The following HERC1 variants were observed in gnomAD, a reference collection of about 807,000 sequenced individuals.
HERC1 encodes HECT and RLD domain containing E3 ubiquitin protein ligase family member 1.
A neutral mutation model predicts 554.3 loss-of-function variants in HERC1; 160 were observed. The observed-to-expected ratio is 0.29, with a 90% confidence interval of 0.25 to 0.33. The LOEUF (loss-of-function observed/expected upper bound fraction) is 0.33, where lower values mean the gene tolerates loss of function less well. Ranked by LOEUF, HERC1 falls within the 10% of genes least tolerant of loss-of-function variation. The pLI, the probability that HERC1 is intolerant of heterozygous loss-of-function variation, is 1.00. For synonymous variants in HERC1, 2,175 were observed against 2,131.7 expected (o/e 1.02, Z -0.56); for missense variants, 4,919 against 5,918.5 (o/e 0.83, Z 5.54).
chr15:63,637,677 C>G, intron 63 of HERC1, 34 bp from the exon 64 acceptor site: 3 of 1,509,594 alleles, frequency 2.0e-6, no homozygotes, highest in Non-Finnish European at 2.7e-6. Flanking sequence ...ATATTTTATT[C>G]TTTATTATAT....
At chr15:63,769,326 G>A (rs2063281) in intron 2 of HERC1, among the ~76,000 whole-genome samples, 69,564 of 151,880 alleles carry the variant, frequency 0.46, 17,062 homozygotes, top group Non-Finnish European at 0.55. Context: ...GGCTGAGGCA[G>A]GGAGAACTGC....
chr15:63,800,146 A>C (rs1305602533), intron 1 of HERC1, among the ~76,000 whole-genome samples: 3 of 152,094 alleles, frequency 2.0e-5, no homozygotes, highest in African/African-American at 7.2e-5. Flanking sequence ...AGAAAAAAAG[A>C]AGAAGAAAGA....
In HERC1 at chr15:63,608,930, G is replaced by T; in HGVS notation, c.*151C>A. The T allele has an allele frequency of 1.8e-6, 1 of 568,412 alleles. No individual in the cohort carries two copies. The highest frequency in any genetic ancestry group is 2.8e-6 in the Non-Finnish European group (1 of 360,468). 35.2% of individuals were successfully genotyped at this position (568,412 alleles called of 1,614,324 possible). On this transcript the variant is annotated 3_prime_UTR_variant, in exon 78 of 78. Coordinates refer to ENST00000443617, the MANE Select transcript of HERC1 (RefSeq NM_003922.4). ...AAAAATAAAAACATCTAATTTCTTTGTTACATTTAGAGTAACTAAATGTGG... is the reference window on the plus strand; with the variant it reads ...AAAAATAAAAACATCTAATTTCTTTTTTACATTTAGAGTAACTAAATGTGG...
intron 12 of HERC1, among the ~76,000 whole-genome samples, chr15:63,744,603 A>G (rs2074985521): frequency 6.6e-6 from 1 of 152,154 alleles, no homozygotes; most frequent in Non-Finnish European, 1.5e-5. Context: ...CCAAAGCTAG[A>G]GGAGCCTCGC....
chr15:63,828,292 A>ATT, intron 1 of HERC1, among the ~76,000 whole-genome samples: 1 of 152,274 alleles, frequency 6.6e-6, no homozygotes, highest in South Asian at 2.1e-4. Flanking sequence ...AGGGATGGAA[A>ATT]TGAGATAGTA....
chr15:63,611,927 G>C (rs2067614358), intron 77 of HERC1, among the ~76,000 whole-genome samples: 1 of 152,350 alleles, frequency 6.6e-6, no homozygotes, highest in Non-Finnish European at 1.5e-5. Flanking sequence ...GCTCACGCCT[G>C]TAATCCCAGC....
intron 3 of HERC1, among the ~76,000 whole-genome samples, chr15:63,759,241 T>G (rs1434464209): frequency 2.0e-5 from 3 of 152,090 alleles, no homozygotes; most frequent in Non-Finnish European, 4.4e-5. Context: ...ACATCACCAG[T>G]AAGGTATGAA....
intron 69 of HERC1, among the ~76,000 whole-genome samples, chr15:63,630,258 TG>T (rs1307650336): frequency 6.6e-6 from 1 of 152,198 alleles, no homozygotes; most frequent in Non-Finnish European, 1.5e-5. Flanking sequence ...CTACCAGAAT[TG>T]TTTTAAACCA....
chr15:63,705,443 A>C (rs1047351276), intron 25 of HERC1, among the ~76,000 whole-genome samples: 1 of 152,178 alleles, frequency 6.6e-6, no homozygotes, highest in African/African-American at 2.4e-5. Flanking sequence ...ATTGTAATTA[A>C]ATGATGAAAT....
intron 12 of HERC1, among the ~76,000 whole-genome samples, chr15:63,744,227 T>C (rs191715763): frequency 3.4e-5 from 5 of 146,024 alleles, no homozygotes; most frequent in Admixed American, 2.8e-4. Flanking sequence ...AAGCTGGGGG[T>C]GGAGTGACAC....
Position 63,612,596 on chromosome 15 carries a change from G to A in HERC1, c.14095-40C>T. ...GGTTGCTCATTCAATGAGTGTGCGT[G>A]AACCTGGCACCCACCAAGGGCCCTG... On this transcript the variant is annotated intron_variant, in intron 76 of 77. Transcript: ENST00000443617. This position sits in a 1 kb window ranked among gnomAD's most constrained non-coding sequence, Gnocchi z 5.0. 6.3e-7 allele frequency: 1 copy of A among 1,581,506 alleles called. No homozygotes were observed. Among genetic ancestry groups the A allele is most frequent in the Non-Finnish European group, 8.6e-7 (1 of 1,161,912 alleles).
In HERC1 at chr15:63,756,280, C is replaced by G. The variant is rs1287465979; in HGVS notation, c.1533+157G>C. On this transcript the variant is annotated intron_variant, in intron 5 of 77. Coordinates refer to ENST00000443617, the MANE Select transcript of HERC1 (RefSeq NM_003922.4). This position sits in a 1 kb window ranked among gnomAD's most constrained non-coding sequence, Gnocchi z 5.0. ...AAGAATTAAAATTCAATAATGTATA[C>G]AAAGGTGTTCTGTAAACTGTAAAGC... is the stretch of plus-strand genomic sequence containing the variant. Among the ~76,000 whole-genome samples the G allele has an allele frequency of 6.6e-6, 1 of 152,052 alleles. No individual in the cohort carries two copies. Among genetic ancestry groups the G allele is most frequent in the Non-Finnish European group, 1.5e-5 (1 of 68,000 alleles).
At chr15:63,644,832 A>G (rs1164333466) in intron 57 of HERC1, among the ~76,000 whole-genome samples, 160 bp downstream of exon 57, 1 of 152,232 alleles carries the variant, frequency 6.6e-6, no homozygotes, top group Non-Finnish European at 1.5e-5. Context: ...TCTGATTTAT[A>G]AAAAATTAAG....
chr15:63,634,048 C>T (rs889745288), intron 66 of HERC1, 78 bp from the exon 67 acceptor site: 15 of 1,546,360 alleles, frequency 9.7e-6, no homozygotes, highest in Non-Finnish European at 1.3e-5. Context: ...CCCTTTTTCT[C>T]TACTTCAGTG....
chr15:63,654,022 C>T (rs2069863024), intron 51 of HERC1, 97 bp downstream of exon 51: 3 of 906,806 alleles, frequency 3.3e-6, no homozygotes, highest in Non-Finnish European at 5.3e-6. Context: ...GAGAGTGACA[C>T]AAAGAGAGAG....
At chr15:63,627,040 T>A (rs2068331065) in intron 70 of HERC1, among the ~76,000 whole-genome samples, 1 of 152,192 alleles carries the variant, frequency 6.6e-6, no homozygotes, top group African/African-American at 2.4e-5. Flanking sequence ...CTTGAACCTT[T>A]ACCTGTCACA....
Position 63,669,631 on chromosome 15 carries a change from A to C in HERC1, c.8113T>G (p.Ser2705Ala). 6.2e-7 allele frequency: 1 copy of C among 1,613,854 alleles called. No homozygotes were observed. The highest frequency in any genetic ancestry group is 1.7e-4 in the Middle Eastern group (1 of 6,058). ...PTRRAQTPPISSLPTSPSDEV... is the reference protein window; with the variant it reads ...PTRRAQTPPIASLPTSPSDEV... ...TCAGAAGGAGAGGTTGGTAACGAAGATATTGGAGGAGTCTGTGCCCGACGT... is the reference window on the plus strand; with the variant it reads ...TCAGAAGGAGAGGTTGGTAACGAAGCTATTGGAGGAGTCTGTGCCCGACGT... Residue 2705 changes from serine (S) to alanine (A), a missense_variant, in exon 40 of 78, where the codon TCT (serine) becomes GCT (alanine). Physicochemically the swap from Ser to Ala is moderately conservative, Grantham distance 99 (BLOSUM62 1). Transcript: ENST00000443617.
intron 1 of HERC1, among the ~76,000 whole-genome samples, chr15:63,820,404 A>G (rs1246793037): frequency 6.6e-6 from 1 of 152,236 alleles, no homozygotes; most frequent in Non-Finnish European, 1.5e-5. Flanking sequence ...TACTTCATAA[A>G]AAAGATAACG....
Position 63,664,238 on chromosome 15 carries a change from G to GCA in HERC1, c.8680+231_8680+232insTG, listed in dbSNP as rs1435423037. Among the ~76,000 whole-genome samples, 14 of 152,212 alleles carry GCA rather than the reference G, an allele frequency of 9.2e-5. No individual in the cohort carries two copies. The East Asian group carries it at 2.7e-3, about 29-fold the overall frequency. On this transcript the variant is annotated intron_variant, in intron 43 of 77. Coordinates refer to ENST00000443617, the MANE Select transcript of HERC1 (RefSeq NM_003922.4). ...ATATAATTTCTCAAAATCTACAAGT[G>GCA]GCCAGTATAGACTTCTGCACCCAGG... is the stretch of plus-strand genomic sequence containing the variant.
Sources: allele counts gnomAD v4.1 joint callset (sites outside exome capture counted in the v4.1 genomes callset), GRCh38; gene constraint gnomAD v4.1.1; non-coding constraint Gnocchi (gnomAD v3.1); transcripts MANE v1.5; gene names NCBI Gene and HGNC (gene_info 2026-07-23, HGNC 2026-07-21).